Variants in PTPRQ observed in about 807,000 individuals in gnomAD.
The protein encoded by PTPRQ is phosphatidylinositol phosphatase PTPRQ.
In PTPRQ, 199 loss-of-function variants were observed where a neutral mutation model predicts 246.0. The observed-to-expected ratio is 0.81, with a 90% CI of 0.72 to 0.91. The LOEUF (loss-of-function observed/expected upper bound fraction) is 0.91, where lower values mean the gene tolerates loss of function less well. Ranked by LOEUF, PTPRQ falls within the 40% of genes least tolerant of loss-of-function variation. PTPRQ has a pLI of 0.00. For synonymous variants in PTPRQ, 869 were observed against 853.2 expected (o/e 1.02, Z -0.32); for missense variants, 2,624 against 2,528.4 (o/e 1.04, Z -0.81).
chr12:80,627,763 C>A (rs1216940149), intron 33 of PTPRQ, among the ~76,000 whole-genome samples: 1 of 151,924 alleles, frequency 6.6e-6, no homozygotes, highest in Non-Finnish European at 1.5e-5. Flanking sequence ...CAAAAAGAAA[C>A]ATGTTTATAT....
intron 3 of PTPRQ, among the ~76,000 whole-genome samples, chr12:80,450,391 C>A (rs543628968): frequency 6.6e-6 from 1 of 152,308 alleles, no homozygotes; most frequent in South Asian, 2.1e-4. Context: ...GCTAATTGCC[C>A]TGGGCAGAAC....
chr12:80,550,712 T>A (rs1420695954), intron 25 of PTPRQ, among the ~76,000 whole-genome samples: 4 of 152,206 alleles, frequency 2.6e-5, no homozygotes, highest in Admixed American at 1.3e-4. Flanking sequence ...TAGGAAAAAA[T>A]AGAAATGATT....
chr12:80,609,557 T>A (rs147878795), intron 27 of PTPRQ, among the ~76,000 whole-genome samples: 1 of 150,602 alleles, frequency 6.6e-6, no homozygotes, highest in African/African-American at 2.4e-5. Context: ...GTTTAATATC[T>A]GGAGTGAATA....
Position 80,521,242 on chromosome 12 carries a change from T to A in PTPRQ, c.2678+10799T>A, listed in dbSNP as rs373047189. ...TTTCTTGTAAATTTTGTTTGAGTTC[T>A]TTGTAGATTCTGGATATTAGCCCTT... On this transcript the variant is annotated intron_variant, in intron 17 of 44. Transcript: ENST00000644991. Among the ~76,000 whole-genome samples, 163 of 152,264 alleles carry A rather than the reference T, an allele frequency of 1.1e-3. 1 individual carries two copies. In the East Asian group the frequency reaches 0.023, roughly 21 times the overall value.
chr12:80,672,922 T>G (rs2121291015), intron 42 of PTPRQ, among the ~76,000 whole-genome samples: 1 of 152,134 alleles, frequency 6.6e-6, no homozygotes, highest in Non-Finnish European at 1.5e-5. Context: ...AAATAAGAGG[T>G]TAAGTTCCAC....
At chr12:80,596,388 A>T (rs1293692056) in intron 26 of PTPRQ, among the ~76,000 whole-genome samples, 2 of 152,048 alleles carry the variant, frequency 1.3e-5, no homozygotes, top group African/African-American at 2.4e-5. Context: ...AATCACTAAA[A>T]ATCAAACAAA....
At chr12:80,563,453 C>A (rs1896887895) in intron 25 of PTPRQ, among the ~76,000 whole-genome samples, 1 of 152,166 alleles carries the variant, frequency 6.6e-6, no homozygotes, top group Non-Finnish European at 1.5e-5. Context: ...GAGCTAATCA[C>A]CTCCCAAAGG....
rs1894585528 is a variant in PTPRQ, at chr12:80,495,390, T to TTGC, written c.1882+21_1882+22insCTG. ...ATAACAGGTAGAAAACAATGTTTTG[T>TTGC]TGTTGTTGTTGTTGTTCATTTTACA... On this transcript the variant is annotated intron_variant, in intron 12 of 44. Coordinates refer to ENST00000644991, the MANE Select transcript of PTPRQ (RefSeq NM_001145026.2). The TTGC allele has an allele frequency of 4.7e-6, 7 of 1,488,782 alleles. No individual in the cohort carries two copies. The highest frequency in any genetic ancestry group is 4.4e-6 in the Non-Finnish European group (5 of 1,124,364). The allele number at this position is 1,488,782 out of a possible 1,614,324, so 92.2% of individuals were successfully genotyped here. A position where few individuals can be genotyped will look rare whatever the true frequency, so the allele number is the denominator to read the frequency against.
intron 25 of PTPRQ, among the ~76,000 whole-genome samples, chr12:80,575,839 C>CAAAAAAAAAAAAAAAAAA (rs201432092): frequency 2.1e-5 from 1 of 47,150 alleles, no homozygotes; most frequent in Non-Finnish European, 4.8e-5. Context: ...AACCCCATCT[C>CAAAAAAAAAAAAAAAAAA]AAAAAAAAAA....
intron 25 of PTPRQ, among the ~76,000 whole-genome samples, chr12:80,555,135 C>T (rs994994547): frequency 1.3e-5 from 2 of 152,148 alleles, no homozygotes; most frequent in African/African-American, 2.4e-5. Context: ...GTCTGGGTAT[C>T]GAACTCCTGA....
intron 6 of PTPRQ, among the ~76,000 whole-genome samples, chr12:80,463,935 G>A (rs544398933): frequency 1.9e-4 from 28 of 151,350 alleles, no homozygotes; most frequent in East Asian, 5.9e-4. Context: ...AAAGACCATC[G>A]AGACTAAGAA....
chr12:80,472,173 T>C lies in PTPRQ; in HGVS notation c.1108T>C (p.Tyr370His). The change falls in exon 8 of 45, where the codon TAT becomes CAT. Residue 370 changes from tyrosine (Y) to histidine (H), a missense_variant. Tyr to His is a moderately conservative substitution (Grantham distance 83). Coordinates refer to ENST00000644991, the MANE Select transcript of PTPRQ (RefSeq NM_001145026.2). ...AFTNLTPFTM[Y>H]DVYIAAETSA... ...CACTAACCTAACACCATTTACAATG[T>C]ATGATGTCTATATTGCGGCTGAAAC... 6.4e-7 allele frequency: 1 copy of C among 1,551,624 alleles called. No homozygotes were observed. Among genetic ancestry groups the C allele is most frequent in the Middle Eastern group, 1.7e-4 (1 of 5,990 alleles).
At chr12:80,525,697 G>T (rs532792711) in intron 17 of PTPRQ, among the ~76,000 whole-genome samples, 1 of 150,134 alleles carries the variant, frequency 6.7e-6, no homozygotes, top group East Asian at 2.0e-4. Flanking sequence ...TGTCACTCTC[G>T]GGTTTCTTAC....
At chr12:80,617,287 A>G (rs1565821490) in intron 30 of PTPRQ, among the ~76,000 whole-genome samples, 1 of 151,324 alleles carries the variant, frequency 6.6e-6, no homozygotes, top group Non-Finnish European at 1.5e-5. Flanking sequence ...CCCTGCCTGG[A>G]AACATGTACT....
intron 25 of PTPRQ, among the ~76,000 whole-genome samples, chr12:80,563,881 G>A (rs1896902630): frequency 6.6e-6 from 1 of 152,110 alleles, no homozygotes; most frequent in African/African-American, 2.4e-5. Context: ...CCTTATTACT[G>A]CTAAGAGAGA....
At chr12:80,449,101 T>C (rs1225372164) in intron 3 of PTPRQ, among the ~76,000 whole-genome samples, 2 of 151,602 alleles carry the variant, frequency 1.3e-5, no homozygotes, top group Admixed American at 1.3e-4. Flanking sequence ...ATTGTGGTTT[T>C]GATTTGCATT....
chr12:80,592,599 C>T (rs777127364), intron 26 of PTPRQ, among the ~76,000 whole-genome samples: 2 of 152,012 alleles, frequency 1.3e-5, no homozygotes, highest in Non-Finnish European at 2.9e-5. Context: ...AAAAATAAGG[C>T]ATTCATAGAT....
intron 36 of PTPRQ, among the ~76,000 whole-genome samples, chr12:80,649,339 A>C (rs1900179924): frequency 6.6e-6 from 1 of 152,180 alleles, no homozygotes; most frequent in Non-Finnish European, 1.5e-5. Flanking sequence ...CTTCATTAAA[A>C]TGCTAAATCC....
chr12:80,654,721 G>A (rs1433796339), intron 38 of PTPRQ, among the ~76,000 whole-genome samples: 3 of 151,182 alleles, frequency 2.0e-5, no homozygotes, highest in East Asian at 3.9e-4. Context: ...TTAGCCGGGC[G>A]TGATGGCAGG....
Sources: allele counts gnomAD v4.1 joint callset (sites outside exome capture counted in the v4.1 genomes callset), GRCh38; gene constraint gnomAD v4.1.1; transcripts MANE v1.5; gene names NCBI Gene and HGNC (gene_info 2026-07-23, HGNC 2026-07-21).